PPP5C: variants seen among roughly 807,000 people sequenced by gnomAD.
PPP5C encodes serine/threonine-protein phosphatase 5.
PPP5C carries 21 observed loss-of-function variants against 66.7 expected under a neutral mutation model. That is an observed-to-expected ratio of 0.31 (90% CI 0.22 to 0.45). PPP5C has a LOEUF of 0.45. Among genes scored for constraint, PPP5C ranks in the 20% least tolerant of loss-of-function variants. The probability of loss-of-function intolerance (pLI) is 1.00; values close to 1 mark genes in which losing one functional copy is unlikely to be tolerated. For missense variants in PPP5C, 464 were observed against 675.9 expected (o/e 0.69, Z 3.48); for synonymous variants, 246 against 257.4 (o/e 0.96, Z 0.43).
rs143171235 is a variant in PPP5C, at chr19:46,349,511, C to T, written c.121+2294C>T. Among the ~76,000 whole-genome samples, 984 of 151,956 alleles carry T rather than the reference C, an allele frequency of 6.5e-3. 36 individuals are homozygous for T. Among genetic ancestry groups the T allele is most frequent in the Admixed American group, 0.053 (806 of 15,256 alleles). On this transcript the variant is annotated intron_variant, in intron 1 of 12. Transcript: ENST00000012443. ...AAGCAAAGTGTGGAGAAGCTCGATC[C>T]GGTGGGAGCCGTGAGAGGGAGGTAG... is the stretch of plus-strand genomic sequence containing the variant.
Position 46,390,639 on chromosome 19 carries a change from C to T in PPP5C, c.*293C>T. 1 of 1,289,188 alleles carries T rather than the reference C, an allele frequency of 7.8e-7. No homozygotes were observed. Among genetic ancestry groups the T allele is most frequent in the Non-Finnish European group, 9.9e-7 (1 of 1,006,628 alleles). 79.9% of individuals were successfully genotyped at this position (1,289,188 alleles called of 1,614,324 possible). ...CTCGGGGTGGGGTGGGGCCGAGTGG[C>T]TGCCCTGCCCCCCTCATTTGCATGG... On this transcript the variant is annotated 3_prime_UTR_variant, in exon 13 of 13. Transcript: ENST00000012443.
intron 2 of PPP5C, 28 bp from the exon 3 acceptor site, chr19:46,375,576 G>T (rs553248269): frequency 2.5e-6 from 4 of 1,612,152 alleles, no homozygotes; most frequent in Admixed American, 3.3e-5. Context: ...CTCAGCCTCA[G>T]TGTGCACGCC....
intron 2 of PPP5C, among the ~76,000 whole-genome samples, chr19:46,356,816 G>A (rs1451148789): frequency 6.6e-6 from 1 of 152,216 alleles, no homozygotes; most frequent in Admixed American, 6.5e-5. Context: ...TGATGGATGT[G>A]ATATAAAAAT....
chr19:46,361,372 G>A (rs1601419384), intron 2 of PPP5C, among the ~76,000 whole-genome samples: 1 of 145,256 alleles, frequency 6.9e-6, no homozygotes, highest in South Asian at 2.2e-4. Context: ...CTCATGATCC[G>A]CCCGCCTCGG....
Position 46,375,601 on chromosome 19 carries a change from C to T in PPP5C, c.364-3C>T, listed in dbSNP as rs1399075629. ...GTGTGCACGCCCCTTCCCTCCCACC[C>T]AGGTGGTCAAGGTGAAGCCCCATGA... On this transcript the variant is annotated splice_polypyrimidine_tract_variant and splice_region_variant and intron_variant, in intron 2 of 12. Coordinates refer to ENST00000012443, the MANE Select transcript of PPP5C (RefSeq NM_006247.4). 1 of 1,613,940 alleles carries T rather than the reference C, an allele frequency of 6.2e-7. No homozygotes were observed. Among genetic ancestry groups the T allele is most frequent in the Non-Finnish European group, 8.5e-7 (1 of 1,179,900 alleles).
At chr19:46,385,214 C>T (rs1464095980) in intron 7 of PPP5C, among the ~76,000 whole-genome samples, 2 of 152,114 alleles carry the variant, frequency 1.3e-5, no homozygotes, top group Non-Finnish European at 2.9e-5. Flanking sequence ...TCCTGGGTGG[C>T]CCTAAATCTG....
chr19:46,360,166 A>C (rs1231707800), intron 2 of PPP5C, among the ~76,000 whole-genome samples: 1 of 152,236 alleles, frequency 6.6e-6, no homozygotes, highest in East Asian at 1.9e-4. Flanking sequence ...TTAAAGACTC[A>C]ATTGACCAGG....
Position 46,363,499 on chromosome 19 carries a change from G to A in PPP5C, c.363+9510G>A, listed in dbSNP as rs571759475. 2.6e-5 allele frequency among the ~76,000 whole-genome samples: 4 copies of A among 151,074 alleles called. No homozygotes were observed. In the South Asian group the frequency reaches 6.3e-4, roughly 24 times the overall value. ...GGCTGGAGAGCAGTGGCGCGATCTC[G>A]GCTCACTGCAATCTCTGCCTCCCAG... On this transcript the variant is annotated intron_variant, in intron 2 of 12. Coordinates refer to ENST00000012443, the MANE Select transcript of PPP5C (RefSeq NM_006247.4).
chr19:46,348,218 A>G (rs527388302), intron 1 of PPP5C, among the ~76,000 whole-genome samples: 1 of 151,904 alleles, frequency 6.6e-6, no homozygotes, highest in Non-Finnish European at 1.5e-5. Context: ...GGCTTTGGCT[A>G]CTTAGGGGGA....
At chr19:46,349,302 G>A (rs1972141919) in intron 1 of PPP5C, among the ~76,000 whole-genome samples, 1 of 151,834 alleles carries the variant, frequency 6.6e-6, no homozygotes, top group Non-Finnish European at 1.5e-5. Flanking sequence ...AAAAAAAAAA[G>A]AGAGAAGATG....
intron 2 of PPP5C, among the ~76,000 whole-genome samples, chr19:46,367,267 T>A (rs575710399): frequency 6.6e-6 from 1 of 152,374 alleles, no homozygotes; most frequent in Admixed American, 6.5e-5. Context: ...GCCTTGGTGC[T>A]AGGACCATTA....
chr19:46,373,400 C>T (rs921765988), intron 2 of PPP5C, among the ~76,000 whole-genome samples: 1 of 152,220 alleles, frequency 6.6e-6, no homozygotes, highest in Non-Finnish European at 1.5e-5. Flanking sequence ...AAAACACTGC[C>T]ATGTAGAGGT....
intron 4 of PPP5C, among the ~76,000 whole-genome samples, chr19:46,380,213 G>A (rs914473003): frequency 9.1e-4 from 138 of 152,150 alleles, no homozygotes; most frequent in African/African-American, 3.1e-3. Flanking sequence ...CCAGCTGCTC[G>A]AGAGGCTGAG....
At position 46,388,579 on chromosome 19, in the gene PPP5C, C is replaced by A; in HGVS notation, c.1203C>A (p.Gly401=). 1.2e-6 allele frequency: 2 copies of A among 1,614,078 alleles called. No homozygotes were observed. The highest frequency in any genetic ancestry group is 2.2e-5 in the South Asian group (2 of 91,078). The change falls in exon 11 of 13, where the codon GGC becomes GGA. Residue 401 remains glycine (G), a synonymous_variant. Coordinates refer to ENST00000012443, the MANE Select transcript of PPP5C (RefSeq NM_006247.4). The surrounding 1 kb of genome is among the most constrained non-coding windows in gnomAD (Gnocchi z 4.9). The part of the protein sequence containing the change: ...PQNGRSISKR[G]VSCQFGPDVT... ...ACGGGCGCTCGATCAGCAAGCGGGGCGTGAGCTGTCAGTTTGGGCCTGACG... is the reference window on the plus strand; with the variant it reads ...ACGGGCGCTCGATCAGCAAGCGGGGAGTGAGCTGTCAGTTTGGGCCTGACG...
chr19:46,384,292 A>C, intron 6 of PPP5C: 2 of 259,486 alleles, frequency 7.7e-6, no homozygotes, highest in Non-Finnish European at 1.5e-5. Flanking sequence ...GGATAATAAT[A>C]TGTGCAACCT....
intron 2 of PPP5C, among the ~76,000 whole-genome samples, chr19:46,368,443 C>T (rs1253433555): frequency 6.6e-6 from 1 of 152,240 alleles, no homozygotes; most frequent in East Asian, 1.9e-4. Context: ...GTGCCACACC[C>T]TTGCTGCCTG....
intron 4 of PPP5C, among the ~76,000 whole-genome samples, chr19:46,378,693 A>G (rs1972738339): frequency 6.6e-6 from 1 of 152,200 alleles, no homozygotes; most frequent in Non-Finnish European, 1.5e-5. Flanking sequence ...TAATGAAGTG[A>G]CTTCAGTACT....
chr19:46,387,125 T>C lies in PPP5C; in HGVS notation c.937T>C (p.Tyr313His). ...CGAGACAGACAACATGAACCAGATC[T>C]ACGGTTTCGAGGGTGAGGTGAAGGC... ...NHETDNMNQI[Y>H]GFEGEVKAKY... The change falls in exon 8 of 13, where the codon TAC becomes CAC. Residue 313 changes from tyrosine to histidine, a missense_variant. This residue lies in a region of PPP5C where 387 missense variants were observed against 626.0 expected (regional missense o/e 0.62). Coordinates refer to ENST00000012443, the MANE Select transcript of PPP5C (RefSeq NM_006247.4). The C allele has an allele frequency of 6.2e-7, 1 of 1,614,226 alleles. No individual in the cohort carries two copies. The highest frequency in any genetic ancestry group is 8.5e-7 in the Non-Finnish European group (1 of 1,180,040).
At position 46,388,293 on chromosome 19, in the gene PPP5C, C is replaced by T; in HGVS notation, c.1136-115C>T. The stretch of plus-strand genomic sequence containing the variant: ...TCCATGCTGGATGTCCCCTGCCCAA[C>T]ACCCACCCAGGCTGGGCTGTGGGGT... On this transcript the variant is annotated intron_variant, in intron 9 of 12. Coordinates refer to ENST00000012443, the MANE Select transcript of PPP5C (RefSeq NM_006247.4). This position sits in a 1 kb window ranked among gnomAD's most constrained non-coding sequence, Gnocchi z 4.9. 2.6e-6 allele frequency: 3 copies of T among 1,171,048 alleles called. No homozygotes were observed. The highest frequency in any genetic ancestry group is 3.6e-6 in the Non-Finnish European group (3 of 843,428). 72.5% of individuals were successfully genotyped at this position (1,171,048 alleles called of 1,614,324 possible). A position where few individuals can be genotyped will look rare whatever the true frequency, so the allele number is the denominator to read the frequency against.
Sources: allele counts gnomAD v4.1 joint callset (sites outside exome capture counted in the v4.1 genomes callset), GRCh38; gene constraint gnomAD v4.1.1; regional missense constraint gnomAD v4.1.1; non-coding constraint Gnocchi (gnomAD v3.1); transcripts MANE v1.5; gene names NCBI Gene and HGNC (gene_info 2026-07-23, HGNC 2026-07-21).